The following CPT1C variants were observed in gnomAD, a reference collection of about 807,000 sequenced individuals.
CPT1C encodes the protein carnitine palmitoyltransferase 1C, also known as palmitoyl thioesterase CPT1C.
Under a neutral mutation model 97.3 loss-of-function variants are expected in CPT1C, and 61 were observed. The ratio of observed to expected loss-of-function variants is 0.63; its 90% CI spans 0.51 to 0.78. The LOEUF is 0.78. CPT1C is among the 30% of genes least tolerant of loss of function. The probability of loss-of-function intolerance (pLI) is 0.00; values close to 1 mark genes in which losing one functional copy is unlikely to be tolerated. For synonymous variants in CPT1C, 469 were observed against 447.2 expected (o/e 1.05, Z -0.61); for missense variants, 975 against 1,065.5 (o/e 0.92, Z 1.18).
At position 49,706,485 on chromosome 19, in the gene CPT1C, C is replaced by T. The variant is rs960873215; in HGVS notation, c.1343+72C>T. The T allele has an allele frequency of 7.8e-7, 1 of 1,286,954 alleles. No individual in the cohort carries two copies. The highest frequency in any genetic ancestry group is 1.0e-6 in the Non-Finnish European group (1 of 990,908). 79.7% of individuals were successfully genotyped at this position (1,286,954 alleles called of 1,614,324 possible). On this transcript the variant is annotated intron_variant, in intron 12 of 19. Transcript: ENST00000598293. The surrounding 1 kb of genome is among the most constrained non-coding windows in gnomAD (Gnocchi z 4.8). ...CCAGTATCAGACCTAGGACCCCTGACAGTAGACAGCCAGACCCTGGAGCCC... is the reference window on the plus strand; with the variant it reads ...CCAGTATCAGACCTAGGACCCCTGATAGTAGACAGCCAGACCCTGGAGCCC...
rs774619970 is a variant in CPT1C, at chr19:49,711,824, G to A, written c.1882G>A (p.Ala628Thr). Residue 628 changes from alanine to threonine, a missense_variant, in exon 17 of 20, where the codon GCC (alanine) becomes ACC (threonine). Physicochemically the swap from Ala to Thr is moderately conservative, Grantham distance 58. Transcript: ENST00000598293. ...GGGACTGCAGGACCCACAGTGCCTCGCCCTGTTCCGCGTGGCAGTGGACAA... is the reference window on the plus strand; with the variant it reads ...GGGACTGCAGGACCCACAGTGCCTCACCCTGTTCCGCGTGGCAGTGGACAA... ...DKEKTDPQCLALFRVAVDKHQ... is the reference protein window; with the variant it reads ...DKEKTDPQCLTLFRVAVDKHQ... 9.9e-6 allele frequency: 16 copies of A among 1,612,668 alleles called. No individual in the cohort carries two copies. Among genetic ancestry groups the A allele is most frequent in the Middle Eastern group, 1.6e-4 (1 of 6,080 alleles).
In CPT1C at chr19:49,711,941, C is replaced by T. The variant is rs1201261061; in HGVS notation, c.1999C>T (p.Gln667Ter). 2 of 1,613,940 alleles carry T rather than the reference C, an allele frequency of 1.2e-6. No homozygotes were observed. Among genetic ancestry groups the T allele is most frequent in the East Asian group, 2.2e-5 (1 of 44,892 alleles). ...LYIVSRFLHL[Q>*]SPFLTQVHSE... is the part of the protein sequence containing the mutation. Reference sequence around the variant, plus strand: ...CATCGTGTCCCGATTCCTCCACCTGCAGTCGCCCTTCCTGACCCAGGTTGG... The same window carrying T: ...CATCGTGTCCCGATTCCTCCACCTGTAGTCGCCCTTCCTGACCCAGGTTGG... Residue 667 changes from glutamine (Q) to a stop codon, truncating the protein, a stop_gained, in exon 17 of 20, where the codon CAG (glutamine) becomes TAG (stop). Coordinates refer to ENST00000598293, the MANE Select transcript of CPT1C (RefSeq NM_001199753.2). LOFTEE classifies it high-confidence loss of function.
chr19:49,694,941 C>T (rs1194923276), intron 3 of CPT1C, among the ~76,000 whole-genome samples: 2 of 152,054 alleles, frequency 1.3e-5, no homozygotes, highest in East Asian at 3.9e-4. Flanking sequence ...GAGATCAAGA[C>T]CATCCTAGCT....
chr19:49,710,730 G>A lies in CPT1C; in HGVS notation c.1739G>A (p.Gly580Asp). The change falls in exon 16 of 20, where the codon GGT becomes GAT. Residue 580 changes from glycine (G) to aspartate (D), a missense_variant. By Grantham distance (94) the Gly-to-Asp change is moderately conservative. This residue lies in a region of CPT1C where 344 missense variants were observed against 395.7 expected (regional missense o/e 0.87). Transcript: ENST00000598293. ...CTCCTCCCTGTCCCCCAGGACAGGG[G>A]TCAATTCTGCCTGACTTATGAGTCG... is the stretch of plus-strand genomic sequence containing the variant. ...ALQLAHFRDR[G>D]QFCLTYESAM... The A allele has an allele frequency of 8.7e-6, 14 of 1,613,030 alleles. No individual in the cohort carries two copies. The highest frequency in any genetic ancestry group is 1.2e-5 in the Non-Finnish European group (14 of 1,179,186).
Position 49,692,236 on chromosome 19 carries a change from C to G in CPT1C, c.-14-3C>G, listed in dbSNP as rs773824423. 6 of 1,612,748 alleles carry G rather than the reference C, an allele frequency of 3.7e-6. No homozygotes were observed. The Admixed American group carries it at 1.0e-4, about 27-fold the overall frequency. ...TCCTGAAGTATGACTCTGCCCGACT[C>G]AGGGCTCCAGCGTGACATGGCTGAA... On this transcript the variant is annotated splice_region_variant and splice_polypyrimidine_tract_variant and intron_variant, in intron 2 of 19. Transcript: ENST00000598293.
At chr19:49,701,471 G>C (rs1178435193) in intron 6 of CPT1C, 26 bp from the exon 7 acceptor site, 2 of 1,594,156 alleles carry the variant, frequency 1.3e-6, no homozygotes, top group East Asian at 2.3e-5. Context: ...GGCCGGGGGC[G>C]TGACCTGCCC....
At chr19:49,692,731 T>C (rs954534097) in intron 3 of CPT1C, among the ~76,000 whole-genome samples, 1 of 152,146 alleles carries the variant, frequency 6.6e-6, no homozygotes, top group African/African-American at 2.4e-5. Context: ...GCTTCTTTTG[T>C]AGTTGTTGTT....
Position 49,711,117 on chromosome 19 carries a change from G to T in CPT1C, c.1866+260G>T, listed in dbSNP as rs1318625655. 5.7e-5 allele frequency: 17 copies of T among 300,444 alleles called. No homozygotes were observed. The East Asian group carries it at 1.1e-3, about 19-fold the overall frequency. The allele number at this position is 300,444 out of a possible 1,614,324, so 18.6% of individuals were successfully genotyped here. ...AACCCCATTTCTTTTTTTTTGAGAT[G>T]GAGTCTTGCTCTGTTGCCCAGGCTG... On this transcript the variant is annotated intron_variant, in intron 16 of 19. Transcript: ENST00000598293.
Position 49,700,867 on chromosome 19 carries a change from G to A in CPT1C, c.453+12G>A. 6.2e-7 allele frequency: 1 copy of A among 1,609,460 alleles called. No individual in the cohort carries two copies. The highest frequency in any genetic ancestry group is 8.5e-7 in the Non-Finnish European group (1 of 1,179,082). ...CCAAGACCTGGCTGGTATGGGAGGG[G>A]CATAGCCCTGCTCAGGCTCTCCTGG... is the stretch of plus-strand genomic sequence containing the variant. On this transcript the variant is annotated intron_variant, in intron 5 of 19. Transcript: ENST00000598293.
chr19:49,701,271 C>G, intron 5 of CPT1C, 46 bp from the exon 6 acceptor site: 5 of 1,546,722 alleles, frequency 3.2e-6, no homozygotes, highest in Non-Finnish European at 4.4e-6. Flanking sequence ...CGTCAACTCC[C>G]TGGCTCCGGT....
intron 3 of CPT1C, among the ~76,000 whole-genome samples, chr19:49,695,018 G>T (rs568279807): frequency 4.6e-5 from 7 of 151,954 alleles, no homozygotes; most frequent in Admixed American, 4.6e-4. Context: ...GCAGTCACCT[G>T]TAGTCCCAGC....
chr19:49,692,698 A>G (rs1177068652), intron 3 of CPT1C, among the ~76,000 whole-genome samples: 1 of 152,032 alleles, frequency 6.6e-6, no homozygotes, highest in Non-Finnish European at 1.5e-5. Context: ...TGGTGAAATT[A>G]TCATTTCTTC....
Position 49,706,302 on chromosome 19 carries a change from C to A in CPT1C, c.1232C>A (p.Ala411Asp). The A allele has an allele frequency of 6.5e-7, 1 of 1,533,076 alleles. No homozygotes were observed. Among genetic ancestry groups the A allele is most frequent in the Non-Finnish European group, 8.7e-7 (1 of 1,143,974 alleles). The allele number at this position is 1,533,076 out of a possible 1,614,324, so 95.0% of individuals were successfully genotyped here. The change falls in exon 12 of 20, where the codon GCC becomes GAC. Residue 411 changes from alanine (A) to aspartate (D), a missense_variant. Physicochemically the swap from Ala to Asp is moderately radical, Grantham distance 126. Coordinates refer to ENST00000598293, the MANE Select transcript of CPT1C (RefSeq NM_001199753.2). The surrounding 1 kb of genome is among the most constrained non-coding windows in gnomAD (Gnocchi z 4.8). ...AAEALEAVEG[A>D]AFFVSLDAEP... Reference sequence around the variant, plus strand: ...GAGGCCCTGGAGGCGGTGGAAGGGGCCGCTTTCTTTGTGTCACTGGATGCT... The same window carrying A: ...GAGGCCCTGGAGGCGGTGGAAGGGGACGCTTTCTTTGTGTCACTGGATGCT...
At position 49,706,606 on chromosome 19, in the gene CPT1C, C is replaced by T. The variant is rs2083514130; in HGVS notation, c.1343+193C>T. On this transcript the variant is annotated intron_variant, in intron 12 of 19. Transcript: ENST00000598293. The surrounding 1 kb of genome is among the most constrained non-coding windows in gnomAD (Gnocchi z 4.8). ...GAGACCTCTGACCTGGGGAACCCCT[C>T]AACCTGGGACCCAAGACCTATAAAC... is the stretch of plus-strand genomic sequence containing the variant. 6.6e-6 allele frequency among the ~76,000 whole-genome samples: 1 copy of T among 152,078 alleles called. No homozygotes were observed. Among genetic ancestry groups the T allele is most frequent in the African/African-American group, 2.4e-5 (1 of 41,388 alleles).
rs2082386645 is a variant in CPT1C at position 49,692,127 on chromosome 19, G to A, written c.-14-112G>A. 2.6e-6 allele frequency: 3 copies of A among 1,147,500 alleles called. No individual in the cohort carries two copies. The Admixed American group carries it at 7.0e-5, about 27-fold the overall frequency. 71.1% of individuals were successfully genotyped at this position (1,147,500 alleles called of 1,614,324 possible). On this transcript the variant is annotated intron_variant, in intron 2 of 19. Transcript: ENST00000598293. Reference sequence around the variant, plus strand: ...GGACTCCTGGATCTGAGAGAGGAGGGACTGGGGCCTGGACTCCTGGGTATG... The same window carrying A: ...GGACTCCTGGATCTGAGAGAGGAGGAACTGGGGCCTGGACTCCTGGGTATG...
At chr19:49,705,320 A>G in intron 10 of CPT1C, 22 bp downstream of exon 10, 2 of 1,560,886 alleles carry the variant, frequency 1.3e-6, no homozygotes, top group Admixed American at 1.8e-5. Flanking sequence ...TCCTGTCCCC[A>G]CTGATGGAGG....
At position 49,711,583 on chromosome 19, in the gene CPT1C, C is replaced by T. The variant is rs534180300; in HGVS notation, c.1867-226C>T. ...TGTGGTTCCATGGAAGGAGTTTGGA[C>T]TCTGGGGCCAGACACACCTAGGAAC... On this transcript the variant is annotated intron_variant, in intron 16 of 19. Transcript: ENST00000598293. The T allele has an allele frequency of 3.0e-5, 17 of 570,766 alleles. 2 individuals carry two copies. Among genetic ancestry groups the T allele is most frequent in the South Asian group, 2.6e-4 (12 of 46,916 alleles). 35.4% of individuals were successfully genotyped at this position (570,766 alleles called of 1,614,324 possible). A position where few individuals can be genotyped will look rare whatever the true frequency, so the allele number is the denominator to read the frequency against.
chr19:49,707,096 G>A (rs1182521319), intron 12 of CPT1C, among the ~76,000 whole-genome samples: 1 of 152,078 alleles, frequency 6.6e-6, no homozygotes, highest in Admixed American at 6.6e-5. Context: ...CCAATATGGT[G>A]AAACCTCATC....
intron 12 of CPT1C, among the ~76,000 whole-genome samples, 155 bp from the exon 13 acceptor site, chr19:49,707,363 C>T (rs981249123): frequency 6.6e-6 from 1 of 152,188 alleles, no homozygotes; most frequent in East Asian, 1.9e-4. Flanking sequence ...AGGGCCACTA[C>T]TGGGGACCCC....
Sources: allele counts gnomAD v4.1 joint callset (sites outside exome capture counted in the v4.1 genomes callset), GRCh38; gene constraint gnomAD v4.1.1; regional missense constraint gnomAD v4.1.1; non-coding constraint Gnocchi (gnomAD v3.1); transcripts MANE v1.5; gene names NCBI Gene and HGNC (gene_info 2026-07-23, HGNC 2026-07-21).